Variants in HIVEP3 observed in about 807,000 individuals in gnomAD.
HIVEP3 encodes HIVEP zinc finger 3, also known as transcription factor HIVEP3.
A neutral mutation model predicts 152.8 loss-of-function variants in HIVEP3; 49 were observed. The observed-to-expected ratio is 0.32, with a 90% CI of 0.26 to 0.41. The LOEUF (loss-of-function observed/expected upper bound fraction) is 0.41. Ranked by LOEUF, HIVEP3 falls within the 10% of genes least tolerant of loss-of-function variation. The pLI is 1.00. For synonymous variants in HIVEP3, 1,269 were observed against 1,289.0 expected, an observed-to-expected ratio of 0.98 and a Z score of 0.33; for missense variants, 2,790 against 3,103.3, an observed-to-expected ratio of 0.90 and a Z score of 2.40.
chr1:41,865,322 T>TA lies in HIVEP3; in HGVS notation c.-801+53090_-801+53091insT, dbSNP rs536043666. Among the ~76,000 whole-genome samples, 172 of 152,368 alleles carry TA rather than the reference T, an allele frequency of 1.1e-3. 2 individuals carry two copies. Among genetic ancestry groups the TA allele is most frequent in the Middle Eastern group, 3.4e-3 (1 of 294 alleles). On this transcript the variant is annotated intron_variant, in intron 1 of 8. Transcript: ENST00000372583. ...CATCACCAATGAGCTGGACCCACTGTGCAGCCCACCTGTCAAATGCCATTT... is the reference window on the plus strand; with the variant it reads ...CATCACCAATGAGCTGGACCCACTGTAGCAGCCCACCTGTCAAATGCCATTT...
intron 1 of HIVEP3, among the ~76,000 whole-genome samples, chr1:41,949,674 C>T (rs537695063): frequency 3.3e-5 from 5 of 152,300 alleles, no homozygotes; most frequent in South Asian, 2.1e-4. Context: ...GGACCTCTAG[C>T]AGCTATAATA....
Position 41,669,907 on chromosome 1 carries a change from C to G in HIVEP3, c.-721+31009G>C, listed in dbSNP as rs1198196718. ...TATTGATTTTGGTTCTCTAGAGAAC[C>G]CTTATAGATGTCTAAATCAGGACTT... is the stretch of plus-strand genomic sequence containing the variant. On this transcript the variant is annotated intron_variant, in intron 2 of 8. Transcript: ENST00000372583. Among the ~76,000 whole-genome samples, 5 of 152,070 alleles carry G rather than the reference C, an allele frequency of 3.3e-5. No homozygotes were observed. The South Asian group carries it at 8.3e-4, about 25-fold the overall frequency.
chr1:41,516,476 C>T (rs572743052), intron 7 of HIVEP3, among the ~76,000 whole-genome samples: 1 of 152,314 alleles, frequency 6.6e-6, no homozygotes, highest in South Asian at 2.1e-4. Context: ...GGCTCCTTTT[C>T]GTTCTTCCCC....
chr1:41,887,612 AT>A (rs1165401144), intron 1 of HIVEP3, among the ~76,000 whole-genome samples: 1 of 152,222 alleles, frequency 6.6e-6, no homozygotes, highest in African/African-American at 2.4e-5. Flanking sequence ...AGGATGATGA[AT>A]TTGTAAACTG....
intron 1 of HIVEP3, among the ~76,000 whole-genome samples, chr1:42,015,673 A>G (rs887140970): frequency 1.3e-5 from 2 of 152,240 alleles, no homozygotes; most frequent in Non-Finnish European, 2.9e-5. Flanking sequence ...TTGGTGCCAC[A>G]CAAGAACCAG....
intron 2 of HIVEP3, among the ~76,000 whole-genome samples, chr1:41,673,523 C>T (rs1279528243): frequency 6.6e-5 from 10 of 152,198 alleles, no homozygotes; most frequent in Admixed American, 6.5e-4. Context: ...GTGCACCAGA[C>T]CACGACCTGG....
intron 2 of HIVEP3, among the ~76,000 whole-genome samples, chr1:41,651,599 A>G (rs958459838): frequency 6.6e-6 from 1 of 152,186 alleles, no homozygotes; most frequent in African/African-American, 2.4e-5. Context: ...ACACTACACC[A>G]TTTTATATAA....
rs185246430 is a variant in HIVEP3, at chr1:41,733,298, C to T, written c.-800-32303G>A. On this transcript the variant is annotated intron_variant, in intron 1 of 8. Coordinates refer to ENST00000372583, the MANE Select transcript of HIVEP3 (RefSeq NM_024503.5). ...TGGGATGTCCTTGGATTCTGAAACC[C>T]GAGTGCTGACAGCCAATGTCCAACT... 1.1e-3 allele frequency among the ~76,000 whole-genome samples: 160 copies of T among 152,278 alleles called. 1 individual carries two copies. The highest frequency in any genetic ancestry group is 2.1e-3 in the Non-Finnish European group (142 of 68,002).
chr1:41,606,363 T>C (rs1324984110), intron 3 of HIVEP3, among the ~76,000 whole-genome samples: 2 of 152,016 alleles, frequency 1.3e-5, no homozygotes, highest in African/African-American at 2.4e-5. Context: ...CCTGCCCACC[T>C]TCAGATTTTT....
chr1:41,850,515 T>C lies in HIVEP3; in HGVS notation c.-801+67898A>G, dbSNP rs1279738008. ...CCCAAACCAGGAACCCCAGCAGCAC[T>C]ACTCTCAAAATCGCAAACGTGGAGT... On this transcript the variant is annotated intron_variant, in intron 1 of 8. Transcript: ENST00000372583. Among the ~76,000 whole-genome samples, 2 of 152,220 alleles carry C rather than the reference T, an allele frequency of 1.3e-5. 1 individual carries two copies. The highest frequency in any genetic ancestry group is 3.8e-4 in the East Asian group (2 of 5,200).
intron 1 of HIVEP3, among the ~76,000 whole-genome samples, chr1:42,019,788 C>T (rs1222628199): frequency 6.6e-6 from 1 of 151,962 alleles, no homozygotes; most frequent in Non-Finnish European, 1.5e-5. Flanking sequence ...TAAAGTGATG[C>T]TAGCAGATAT....
chr1:41,540,188 T>C (rs1231197396), intron 5 of HIVEP3, among the ~76,000 whole-genome samples: 1 of 152,220 alleles, frequency 6.6e-6, no homozygotes, highest in Non-Finnish European at 1.5e-5. Flanking sequence ...GCTGACACTA[T>C]GCGTACACCA....
At chr1:41,727,858 T>A (rs1159683097) in intron 1 of HIVEP3, among the ~76,000 whole-genome samples, 1 of 152,180 alleles carries the variant, frequency 6.6e-6, no homozygotes, top group Non-Finnish European at 1.5e-5. Context: ...CAGTTTCCTA[T>A]CTATAAAATG....
intron 1 of HIVEP3, among the ~76,000 whole-genome samples, chr1:41,740,238 C>A (rs764213597): frequency 6.6e-6 from 1 of 152,244 alleles, no homozygotes; most frequent in South Asian, 2.1e-4. Flanking sequence ...AGGCCCTGCA[C>A]CCCTTTTCTC....
At chr1:41,669,130 C>T (rs1645837686) in intron 2 of HIVEP3, among the ~76,000 whole-genome samples, 1 of 152,186 alleles carries the variant, frequency 6.6e-6, no homozygotes, top group African/African-American at 2.4e-5. Flanking sequence ...TTGCAACTTG[C>T]TCCTCAAACC....
At chr1:41,600,871 A>C (rs1644736454) in intron 3 of HIVEP3, among the ~76,000 whole-genome samples, 1 of 152,146 alleles carries the variant, frequency 6.6e-6, no homozygotes, top group South Asian at 2.1e-4. Context: ...TAGGTTTTAC[A>C]TCCAAGTCTT....
intron 1 of HIVEP3, among the ~76,000 whole-genome samples, chr1:41,882,325 T>C (rs577475934): frequency 2.6e-5 from 4 of 152,282 alleles, no homozygotes; most frequent in Admixed American, 2.0e-4. Flanking sequence ...CCTGACACTT[T>C]CTGGTTTTCT....
chr1:41,880,192 T>G (rs2124425549), intron 1 of HIVEP3, among the ~76,000 whole-genome samples: 1 of 152,280 alleles, frequency 6.6e-6, no homozygotes, highest in East Asian at 1.9e-4. Flanking sequence ...CTTGAGTAGC[T>G]GGGACCATAG....
At chr1:41,735,615 C>T (rs952031008) in intron 1 of HIVEP3, among the ~76,000 whole-genome samples, 1 of 152,272 alleles carries the variant, frequency 6.6e-6, no homozygotes, top group African/African-American at 2.4e-5. Context: ...GCCTTTCTCC[C>T]CTATGGCTGG....
Sources: allele counts gnomAD v4.1 joint callset (sites outside exome capture counted in the v4.1 genomes callset), GRCh38; gene constraint gnomAD v4.1.1; transcripts MANE v1.5; gene names NCBI Gene and HGNC (gene_info 2026-07-23, HGNC 2026-07-21).